Variants in ARHGAP26 observed in about 807,000 individuals in gnomAD.
ARHGAP26 encodes the protein Rho GTPase activating protein 26, also known as rho GTPase-activating protein 26.
Under a neutral mutation model 104.8 loss-of-function variants are expected in ARHGAP26, and 38 were observed. The ratio of observed to expected loss-of-function variants is 0.36; its 90% CI spans 0.28 to 0.48. The LOEUF (loss-of-function observed/expected upper bound fraction) is 0.48. ARHGAP26 is among the 20% of genes least tolerant of loss of function. The pLI is 0.99. For synonymous variants in ARHGAP26, 341 were observed against 340.0 expected (o/e 1.00, Z -0.03); for missense variants, 704 against 947.9 (o/e 0.74, Z 3.38).
At chr5:143,105,230 A>G (rs747627493) in intron 17 of ARHGAP26, among the ~76,000 whole-genome samples, 1 of 151,998 alleles carries the variant, frequency 6.6e-6, no homozygotes, top group Non-Finnish European at 1.5e-5. Context: ...ACAAAAAATT[A>G]GCTAGGCATG....
At chr5:142,950,099 C>T (rs2152596866) in intron 11 of ARHGAP26, among the ~76,000 whole-genome samples, 1 of 152,250 alleles carries the variant, frequency 6.6e-6, no homozygotes, top group South Asian at 2.1e-4. Context: ...TGATCTTGCC[C>T]AGAGATAAAA....
intron 11 of ARHGAP26, among the ~76,000 whole-genome samples, chr5:142,986,769 C>T (rs1774802718): frequency 1.3e-5 from 2 of 152,172 alleles, no homozygotes; most frequent in East Asian, 1.9e-4. Flanking sequence ...GGAATCCTTT[C>T]CCCATTGCTT....
intron 5 of ARHGAP26, among the ~76,000 whole-genome samples, chr5:142,888,599 T>A (rs1342882021): frequency 6.6e-6 from 1 of 152,236 alleles, no homozygotes; most frequent in Admixed American, 6.5e-5. Flanking sequence ...ATTGCAGGGT[T>A]CTGCACGGAA....
At chr5:142,860,836 A>G (rs375361861) in intron 1 of ARHGAP26, among the ~76,000 whole-genome samples, 33 of 152,248 alleles carry the variant, frequency 2.2e-4, no homozygotes, top group African/African-American at 6.3e-4. Context: ...GAGGGGTTCC[A>G]TTACTGGTAC....
At position 143,228,555 on chromosome 5, in the gene ARHGAP26, G is replaced by A. The variant is rs1463286749; in HGVS notation, c.*6109G>A. The stretch of plus-strand genomic sequence containing the variant: ...TAGTAGCTAAGGCTAGTGTTCAAAA[G>A]CACTCTAAAAGACATTTTGTCCACA... On this transcript the variant is annotated 3_prime_UTR_variant, in exon 23 of 23. Coordinates refer to ENST00000645722, the MANE Select transcript of ARHGAP26 (RefSeq NM_001135608.3). 1.8e-5 allele frequency: 4 copies of A among 219,720 alleles called. No homozygotes were observed. Among genetic ancestry groups the A allele is most frequent in the African/African-American group, 6.7e-5 (3 of 44,574 alleles). 13.6% of individuals were successfully genotyped at this position (219,720 alleles called of 1,614,324 possible).
At chr5:142,799,460 G>T (rs1761624872) in intron 1 of ARHGAP26, among the ~76,000 whole-genome samples, 1 of 152,190 alleles carries the variant, frequency 6.6e-6, no homozygotes, top group African/African-American at 2.4e-5. Context: ...ACAGTCCCAA[G>T]AGTGGATGCT....
intron 1 of ARHGAP26, among the ~76,000 whole-genome samples, chr5:142,821,851 C>G (rs1003819274): frequency 2.6e-5 from 4 of 152,090 alleles, no homozygotes; most frequent in African/African-American, 7.2e-5. Context: ...TCATCTTTGC[C>G]CCTTACGTAT....
chr5:142,993,194 G>A (rs1207038755), intron 11 of ARHGAP26, among the ~76,000 whole-genome samples: 3 of 130,774 alleles, frequency 2.3e-5, no homozygotes, highest in Admixed American at 8.8e-5. Flanking sequence ...ACGGAGTCTC[G>A]CTCTGTCGCC....
chr5:142,984,714 T>C (rs1774420224), intron 11 of ARHGAP26, among the ~76,000 whole-genome samples: 1 of 152,108 alleles, frequency 6.6e-6, no homozygotes, highest in Non-Finnish European at 1.5e-5. Context: ...AAAATTCCTA[T>C]CTCTTAGTGC....
intron 14 of ARHGAP26, among the ~76,000 whole-genome samples, chr5:143,047,371 A>T (rs1416467849): frequency 6.6e-6 from 1 of 152,222 alleles, no homozygotes; most frequent in East Asian, 1.9e-4. Flanking sequence ...CTCCATAGTA[A>T]TGTGAGGATG....
At chr5:143,102,203 G>A (rs1793351425) in intron 17 of ARHGAP26, among the ~76,000 whole-genome samples, 1 of 152,116 alleles carries the variant, frequency 6.6e-6, no homozygotes, top group Non-Finnish European at 1.5e-5. Context: ...TGGGGAGACT[G>A]CTCTGCTCCA....
intron 22 of ARHGAP26, among the ~76,000 whole-genome samples, chr5:143,214,536 AG>A (rs1357292607): frequency 1.3e-5 from 2 of 152,232 alleles, no homozygotes; most frequent in Non-Finnish European, 2.9e-5. Context: ...TCACAGTGAC[AG>A]TTTTTCCTCA....
intron 17 of ARHGAP26, among the ~76,000 whole-genome samples, chr5:143,098,256 T>C (rs948291659): frequency 2.6e-5 from 4 of 152,226 alleles, no homozygotes; most frequent in African/African-American, 9.6e-5. Context: ...TTACATTGGA[T>C]AGCATAACTG....
At chr5:142,836,186 T>C (rs1769524694) in intron 1 of ARHGAP26, among the ~76,000 whole-genome samples, 3 of 152,216 alleles carry the variant, frequency 2.0e-5, no homozygotes, top group Non-Finnish European at 4.4e-5. Flanking sequence ...GCAGGGGCTC[T>C]GAACTGGTGA....
chr5:143,159,062 C>T (rs1442123315), intron 20 of ARHGAP26, among the ~76,000 whole-genome samples: 1 of 152,204 alleles, frequency 6.6e-6, no homozygotes, highest in Non-Finnish European at 1.5e-5. Flanking sequence ...CCAGTCACCA[C>T]CCTTAGCTGA....
At chr5:143,155,308 G>A (rs1171968168) in intron 20 of ARHGAP26, among the ~76,000 whole-genome samples, 2 of 152,124 alleles carry the variant, frequency 1.3e-5, no homozygotes, top group Non-Finnish European at 2.9e-5. Flanking sequence ...GCTCTGCCCT[G>A]TAACTAGGCC....
intron 1 of ARHGAP26, among the ~76,000 whole-genome samples, chr5:142,799,003 T>G (rs1029431713): frequency 3.9e-5 from 6 of 152,188 alleles, no homozygotes; most frequent in Admixed American, 3.3e-4. Flanking sequence ...GAAACAGCCC[T>G]GTTTAGGTGA....
chr5:143,140,745 G>A (rs1394201579), intron 19 of ARHGAP26, among the ~76,000 whole-genome samples: 2 of 152,092 alleles, frequency 1.3e-5, no homozygotes, highest in South Asian at 2.1e-4. Context: ...TGTCGGTGGG[G>A]GTGGGGGTGG....
At chr5:143,031,076 G>C (rs1226600172) in intron 12 of ARHGAP26, among the ~76,000 whole-genome samples, 1 of 152,218 alleles carries the variant, frequency 6.6e-6, no homozygotes, top group Admixed American at 6.5e-5. Context: ...GGAGCCAAAG[G>C]CTCCCGTGCG....
Sources: allele counts gnomAD v4.1 joint callset (sites outside exome capture counted in the v4.1 genomes callset), GRCh38; gene constraint gnomAD v4.1.1; transcripts MANE v1.5; gene names NCBI Gene and HGNC (gene_info 2026-07-23, HGNC 2026-07-21).